The following ETAA1 variants were observed in gnomAD, a reference collection of about 807,000 sequenced individuals.
The protein encoded by ETAA1 is ETAA1 activator of ATR kinase.
ETAA1 carries 49 observed loss-of-function variants against 76.8 expected under a neutral mutation model. The observed-to-expected ratio is 0.64, with a 90% CI of 0.51 to 0.81. The LOEUF (loss-of-function observed/expected upper bound fraction) is 0.81, where lower values mean the gene tolerates loss of function less well. ETAA1 is among the 30% of genes least tolerant of loss of function. The pLI, the probability that ETAA1 is intolerant of heterozygous loss-of-function variation, is 0.00. For synonymous variants in ETAA1, 373 were observed against 372.2 expected (o/e 1.00, Z -0.03); for missense variants, 1,099 against 1,074.0 (o/e 1.02, Z -0.32).
At position 67,404,926 on chromosome 2, in the gene ETAA1, T is replaced by A. The variant is rs1676167363; in HGVS notation, c.2244T>A (p.Asn748Lys). Residue 748 changes from asparagine to lysine, a missense_variant, in exon 5 of 6, where the codon AAT becomes AAA. Asn to Lys is a moderately conservative substitution (Grantham distance 94). Coordinates refer to ENST00000272342, the MANE Select transcript of ETAA1 (RefSeq NM_019002.4). ...CTAAGATCTCAAACTGTCAGATAAATAATCTGCATGTGTCTTATACTAACA... is the reference window on the plus strand; with the variant it reads ...CTAAGATCTCAAACTGTCAGATAAAAAATCTGCATGTGTCTTATACTAACA... The part of the protein sequence containing the change: ...MYSKISNCQI[N>K]NLHVSYTNTD... 1 of 1,612,982 alleles carries A rather than the reference T, an allele frequency of 6.2e-7. No individual in the cohort carries two copies. Among genetic ancestry groups the A allele is most frequent in the Non-Finnish European group, 8.5e-7 (1 of 1,179,420 alleles).
chr2:67,397,574 T>TGAGA lies in ETAA1; in HGVS notation c.126_127insGAGA (p.Ser43GlufsTer8), dbSNP rs1436086043. On this transcript the variant is annotated frameshift_variant, in exon 1 of 6. Coordinates refer to ENST00000272342, the MANE Select transcript of ETAA1 (RefSeq NM_019002.4). LOFTEE classifies it high-confidence loss of function. ...GGAGGCGGCTGAGATCGGCCCGCGG[T>TGAGA]TCGTGGCCCTGCGGGGCTAGAGAGG... The TGAGA allele has an allele frequency of 1.9e-6, 3 of 1,562,064 alleles. No individual in the cohort carries two copies. In the African/African-American group the frequency reaches 4.1e-5, roughly 21 times the overall value.
chr2:67,409,779 C>T, intron 5 of ETAA1, 132 bp from the exon 6 acceptor site: 1 of 747,500 alleles, frequency 1.3e-6, no homozygotes, highest in South Asian at 1.9e-5. Flanking sequence ...ATTTTATATT[C>T]AGTAGTTTAG....
chr2:67,399,050 G>A (rs1194266117), intron 1 of ETAA1, 119 bp from the exon 2 acceptor site: 4 of 931,400 alleles, frequency 4.3e-6, no homozygotes. Context: ...AATTATCTCT[G>A]GGAAAAAAAA....
Position 67,404,837 on chromosome 2 carries a change from G to C in ETAA1, c.2155G>C (p.Glu719Gln). ...SSQIDKPMKMEKGEMYGNSPR... is the reference protein window; with the variant it reads ...SSQIDKPMKMQKGEMYGNSPR... ...ACAAATAGATAAGCCAATGAAGATG[G>C]AGAAAGGGGAAATGTATGGAAATTC... The change falls in exon 5 of 6, where the codon GAG (glutamate) becomes CAG (glutamine). Residue 719 changes from glutamate to glutamine, a missense_variant. Around this residue, in one of 3 missense-constraint regions of ETAA1, gnomAD observed 302 missense variants for 278.1 expected, o/e 1.09. Coordinates refer to ENST00000272342, the MANE Select transcript of ETAA1 (RefSeq NM_019002.4). 1 of 1,613,226 alleles carries C rather than the reference G, an allele frequency of 6.2e-7. No homozygotes were observed. The highest frequency in any genetic ancestry group is 8.5e-7 in the Non-Finnish European group (1 of 1,179,486).
In ETAA1 at chr2:67,405,325, A is replaced by ATCT; in HGVS notation, c.2646_2648dup (p.Ser883dup). ...TGAAACTTTCTGAATCTTTGAAACA[A>ATCT]TCTTCAAAAGGTATGTATGAAATAT... On this transcript the variant is annotated inframe_insertion, in exon 5 of 6. Transcript: ENST00000272342. 1 of 1,536,356 alleles carries ATCT rather than the reference A, an allele frequency of 6.5e-7. No homozygotes were observed. Among genetic ancestry groups the ATCT allele is most frequent in the Non-Finnish European group, 8.7e-7 (1 of 1,145,144 alleles).
intron 5 of ETAA1, among the ~76,000 whole-genome samples, chr2:67,406,662 A>G (rs1676227895): frequency 6.6e-6 from 1 of 152,088 alleles, no homozygotes; most frequent in Non-Finnish European, 1.5e-5. Flanking sequence ...GAAAACCACT[A>G]TTAATAGTTG....
chr2:67,399,133 A>G, intron 1 of ETAA1, 36 bp from the exon 2 acceptor site: 1 of 1,589,722 alleles, frequency 6.3e-7, no homozygotes, highest in Non-Finnish European at 8.6e-7. Flanking sequence ...ATGCTTTAAA[A>G]TGCAACAATT....
In ETAA1 at chr2:67,403,444, A is replaced by T; in HGVS notation, c.762A>T (p.Pro254=). ...VPEIDNATKK[P]IKGNTKISVA... ...AAATAGATAATGCTACAAAAAAGCC[A>T]ATCAAAGGAAACACCAAGATATCTG... The change falls in exon 5 of 6, where the codon CCA becomes CCT. Residue 254 remains proline (P), a synonymous_variant. Coordinates refer to ENST00000272342, the MANE Select transcript of ETAA1 (RefSeq NM_019002.4). The T allele has an allele frequency of 6.2e-7, 1 of 1,613,038 alleles. No individual in the cohort carries two copies. The highest frequency in any genetic ancestry group is 8.5e-7 in the Non-Finnish European group (1 of 1,179,172).
chr2:67,399,099 C>G, intron 1 of ETAA1, 70 bp from the exon 2 acceptor site: 1 of 1,405,790 alleles, frequency 7.1e-7, no homozygotes, highest in South Asian at 1.4e-5. Flanking sequence ...GCTATTTGAC[C>G]TTGGGGTCTT....
intron 1 of ETAA1, among the ~76,000 whole-genome samples, chr2:67,398,738 T>G (rs911994893): frequency 1.3e-5 from 2 of 152,222 alleles, no homozygotes; most frequent in Admixed American, 1.3e-4. Context: ...ATTGGATCAC[T>G]AATGGTTTTT....
Position 67,403,577 on chromosome 2 carries a change from C to A in ETAA1, c.895C>A (p.Gln299Lys). ...TCAGAAATGTAGCGGACAGTTAAGC[C>A]AAGAACTGCCAGAGGCTTTTTGGAG... ...STQKCSGQLS[Q>K]ELPEAFWSTS... The change falls in exon 5 of 6, where the codon CAA (glutamine) becomes AAA (lysine). Residue 299 changes from glutamine (Q) to lysine (K), a missense_variant. Transcript: ENST00000272342. 1.9e-6 allele frequency: 3 copies of A among 1,613,278 alleles called. No homozygotes were observed. The highest frequency in any genetic ancestry group is 2.5e-6 in the Non-Finnish European group (3 of 1,179,374).
rs1360837731 is a variant in ETAA1, at chr2:67,411,944, T to C, written c.*1906T>C. 1 of 151,958 alleles carries C rather than the reference T, an allele frequency of 6.6e-6. No individual in the cohort carries two copies. The highest frequency in any genetic ancestry group is 2.4e-5 in the African/African-American group (1 of 41,376). 9.4% of individuals were successfully genotyped at this position (151,958 alleles called of 1,614,324 possible). ...TAAGAGTACTTTTAGCCTATTCTGT[T>C]CATTCATTTAGACTCAGCCTAATAA... On this transcript the variant is annotated 3_prime_UTR_variant, in exon 6 of 6. Transcript: ENST00000272342.
rs1331654488 is a variant in ETAA1 at position 67,397,799 on chromosome 2, G to C, written c.223+128G>C. On this transcript the variant is annotated intron_variant, in intron 1 of 5. Coordinates refer to ENST00000272342, the MANE Select transcript of ETAA1 (RefSeq NM_019002.4). ...ATTCTGTCTCTGGGATTCACCCCTC[G>C]AGAGTCCAAAAATAATCCTATACCA... is the stretch of plus-strand genomic sequence containing the variant. The C allele has an allele frequency of 1.4e-5, 13 of 945,532 alleles. No homozygotes were observed. In the East Asian group the frequency reaches 2.4e-4, roughly 17 times the overall value. The allele number at this position is 945,532 out of a possible 1,614,324, so 58.6% of individuals were successfully genotyped here. A position where few individuals can be genotyped will look rare whatever the true frequency, so the allele number is the denominator to read the frequency against.
intron 3 of ETAA1, among the ~76,000 whole-genome samples, chr2:67,399,911 CATA>C (rs1459954913): frequency 2.2e-5 from 2 of 90,684 alleles, no homozygotes; most frequent in Admixed American, 2.3e-4. Flanking sequence ...TGCTTAACAA[CATA>C]CGACATCATT....
At chr2:67,401,784 T>A (rs1258685719) in intron 3 of ETAA1, 1 of 151,902 alleles carries the variant, frequency 6.6e-6, no homozygotes, top group Non-Finnish European at 1.5e-5. Context: ...GGAAAATATA[T>A]TGAGTCTGAA....
Position 67,397,386 on chromosome 2 carries a change from G to T in ETAA1, c.-63G>T. ...GCGGGGTGCGGTTTGTAGTGCTGTT[G>T]CCCTACTCATCCCTTTGCAAAATGT... On this transcript the variant is annotated 5_prime_UTR_variant, in exon 1 of 6. Coordinates refer to ENST00000272342, the MANE Select transcript of ETAA1 (RefSeq NM_019002.4). 2.7e-6 allele frequency: 4 copies of T among 1,500,596 alleles called. No homozygotes were observed. In the Admixed American group the frequency reaches 5.9e-5, roughly 22 times the overall value. The allele number at this position is 1,500,596 out of a possible 1,614,324, so 93.0% of individuals were successfully genotyped here. A position where few individuals can be genotyped will look rare whatever the true frequency, so the allele number is the denominator to read the frequency against.
At chr2:67,402,839 CT>C in intron 3 of ETAA1, 22 bp from the exon 4 acceptor site, 11 of 1,547,176 alleles carry the variant, frequency 7.1e-6, no homozygotes, top group Admixed American at 4.0e-5. Context: ...CTTTATACCT[CT>C]TTTTTTCCCT....
chr2:67,397,728 G>A (rs1675920802), intron 1 of ETAA1, 57 bp downstream of exon 1: 1 of 1,498,734 alleles, frequency 6.7e-7, no homozygotes, highest in Non-Finnish European at 9.0e-7. Context: ...CCACATCCCA[G>A]CTTGCAACAG....
At chr2:67,397,806 C>A in intron 1 of ETAA1, 135 bp downstream of exon 1, 5 of 874,076 alleles carry the variant, frequency 5.7e-6, no homozygotes, top group Non-Finnish European at 8.8e-6. Flanking sequence ...CTCGAGAGTC[C>A]AAAAATAATC....
Sources: gnomAD v4.1 joint callset for allele counts (sites outside exome capture counted in the v4.1 genomes callset) on GRCh38, gnomAD v4.1.1 for gene constraint, gnomAD v4.1.1 regional missense constraint, MANE v1.5 for transcripts, NCBI Gene and HGNC (gene_info 2026-07-23, HGNC 2026-07-21) for gene names.